AGBL4: variants seen among roughly 807,000 people sequenced by gnomAD.
AGBL4 encodes cytosolic carboxypeptidase 6.
A neutral mutation model predicts 66.4 loss-of-function variants in AGBL4; 58 were observed. The ratio of observed to expected loss-of-function variants is 0.87; its 90% CI spans 0.71 to 1.09. The LOEUF (loss-of-function observed/expected upper bound fraction) is 1.09. Ranked by LOEUF, AGBL4 falls within the 50% of genes least tolerant of loss-of-function variation. The pLI, the probability that AGBL4 is intolerant of heterozygous loss-of-function variation, is 0.00. For missense variants in AGBL4, 579 were observed against 631.0 expected, an observed-to-expected ratio of 0.92 and a Z score of 0.88; for synonymous variants, 234 against 222.9, an observed-to-expected ratio of 1.05 and a Z score of -0.44.
chr1:48,926,743 A>C (rs1654611794), intron 5 of AGBL4, among the ~76,000 whole-genome samples: 1 of 152,180 alleles, frequency 6.6e-6, no homozygotes, highest in Non-Finnish European at 1.5e-5. Context: ...TCCAGAACCC[A>C]CACTGACTTC....
chr1:49,712,607 C>T lies in AGBL4; in HGVS notation c.158-15170G>A, dbSNP rs566227657. On this transcript the variant is annotated intron_variant, in intron 2 of 13. Transcript: ENST00000371839. ...TGAGAGTAGATTTTAGTAGCTCTTACCACCAAAAAAAGTAACTGTGAGATA... is the reference window on the plus strand; with the variant it reads ...TGAGAGTAGATTTTAGTAGCTCTTATCACCAAAAAAAGTAACTGTGAGATA... 3.3e-5 allele frequency among the ~76,000 whole-genome samples: 5 copies of T among 151,658 alleles called. No individual in the cohort carries two copies. The East Asian group carries it at 9.7e-4, about 29-fold the overall frequency.
chr1:49,579,713 A>T (rs1571094655), intron 3 of AGBL4, among the ~76,000 whole-genome samples: 1 of 152,036 alleles, frequency 6.6e-6, no homozygotes, highest in African/African-American at 2.4e-5. Flanking sequence ...GTTGGCCAGG[A>T]TGGTCTCGAT....
chr1:49,145,835 C>T (rs1319342106), intron 4 of AGBL4, among the ~76,000 whole-genome samples: 9 of 152,054 alleles, frequency 5.9e-5, no homozygotes, highest in African/African-American at 1.9e-4. Context: ...TTCACAATAG[C>T]CAAGATTTGG....
chr1:49,919,701 C>A (rs1388616050), intron 1 of AGBL4, among the ~76,000 whole-genome samples: 2 of 152,088 alleles, frequency 1.3e-5, no homozygotes, highest in African/African-American at 4.8e-5. Context: ...CCCCATCAAG[C>A]TACCAATGAC....
At chr1:49,175,846 A>T (rs1017930873) in intron 4 of AGBL4, among the ~76,000 whole-genome samples, 43 of 152,162 alleles carry the variant, frequency 2.8e-4, no homozygotes, top group African/African-American at 8.7e-4. Context: ...AGTAAGTGCT[A>T]TGAACTACCT....
chr1:49,375,704 C>A (rs559979330), intron 3 of AGBL4, among the ~76,000 whole-genome samples: 20 of 152,086 alleles, frequency 1.3e-4, no homozygotes, highest in Non-Finnish European at 2.9e-4. Context: ...AAGCACAATT[C>A]ATCATTTCTT....
rs549327151 is a variant in AGBL4, at chr1:49,742,158, T to G, written c.158-44721A>C. Among the ~76,000 whole-genome samples, 59 of 152,090 alleles carry G rather than the reference T, an allele frequency of 3.9e-4. 1 individual carries two copies. The South Asian group carries it at 9.6e-3, about 25-fold the overall frequency. On this transcript the variant is annotated intron_variant, in intron 2 of 13. Coordinates refer to ENST00000371839, the MANE Select transcript of AGBL4 (RefSeq NM_032785.4). ...ATTGTATATCTAGAAAACCCCATTG[T>G]CTCAGCCCAAAATCTCCTTAAGCTG...
intron 3 of AGBL4, 58 bp from the exon 4 acceptor site, chr1:49,245,922 T>C: frequency 7.9e-7 from 1 of 1,269,320 alleles, no homozygotes; most frequent in Non-Finnish European, 1.1e-6. Flanking sequence ...AACTTCCTGA[T>C]AATTAAGACA....
At chr1:49,464,115 A>G (rs1646574701) in intron 3 of AGBL4, among the ~76,000 whole-genome samples, 1 of 151,786 alleles carries the variant, frequency 6.6e-6, no homozygotes, top group Non-Finnish European at 1.5e-5. Context: ...TCCTGAGTAC[A>G]TAACAGAGGG....
At chr1:48,831,514 T>C (rs1430643518) in intron 6 of AGBL4, among the ~76,000 whole-genome samples, 4 of 152,228 alleles carry the variant, frequency 2.6e-5, no homozygotes, top group Non-Finnish European at 4.4e-5. Flanking sequence ...TGGGCTCCCT[T>C]TATACTTTTT....
intron 4 of AGBL4, among the ~76,000 whole-genome samples, chr1:49,143,798 T>A (rs1416481303): frequency 4.6e-5 from 7 of 152,314 alleles, no homozygotes; most frequent in African/African-American, 1.7e-4. Context: ...AAGTCAACAA[T>A]GACTGAAATT....
chr1:49,397,462 C>A (rs1237481493), intron 3 of AGBL4, among the ~76,000 whole-genome samples: 1 of 152,130 alleles, frequency 6.6e-6, no homozygotes, highest in Non-Finnish European at 1.5e-5. Context: ...AGAAGTCAGA[C>A]CCCTATAACT....
At chr1:48,537,021 G>A (rs6669688) in intron 12 of AGBL4, among the ~76,000 whole-genome samples, 8,911 of 152,242 alleles carry the variant, frequency 0.059, 866 homozygotes, top group African/African-American at 0.2. Context: ...ATTATCCATG[G>A]AGATGGGAGA....
At chr1:48,999,103 A>G (rs1487468537) in intron 5 of AGBL4, among the ~76,000 whole-genome samples, 3 of 152,210 alleles carry the variant, frequency 2.0e-5, no homozygotes, top group Admixed American at 2.0e-4. Context: ...CAGGTATGGC[A>G]GCAGGGACTG....
chr1:49,312,753 G>A (rs1644963967), intron 3 of AGBL4, among the ~76,000 whole-genome samples: 1 of 151,982 alleles, frequency 6.6e-6, no homozygotes. Context: ...TTAGAGAATT[G>A]CCAATTAAAA....
At chr1:49,107,189 T>C (rs1217014785) in intron 4 of AGBL4, among the ~76,000 whole-genome samples, 1 of 152,176 alleles carries the variant, frequency 6.6e-6, no homozygotes, top group African/African-American at 2.4e-5. Context: ...TTAGTACTCA[T>C]ATAGCCATTC....
At chr1:49,603,340 C>T (rs541342523) in intron 3 of AGBL4, among the ~76,000 whole-genome samples, 1 of 151,998 alleles carries the variant, frequency 6.6e-6, no homozygotes, top group South Asian at 2.1e-4. Context: ...CTGACTCTGG[C>T]AAAGGAAAAC....
At chr1:48,866,369 C>T (rs11205563) in intron 6 of AGBL4, among the ~76,000 whole-genome samples, 135,330 of 152,172 alleles carry the variant, frequency 0.89, 60,772 homozygotes, top group Non-Finnish European at 0.96. Flanking sequence ...ACACTAGCTC[C>T]TCCTCCAGAA....
intron 3 of AGBL4, among the ~76,000 whole-genome samples, chr1:49,599,992 C>T (rs185146823): frequency 6.6e-6 from 1 of 152,212 alleles, no homozygotes; most frequent in East Asian, 1.9e-4. Context: ...TTATGATTTC[C>T]ATTCTTTCAC....
Sources: allele counts gnomAD v4.1 joint callset (sites outside exome capture counted in the v4.1 genomes callset), GRCh38; gene constraint gnomAD v4.1.1; transcripts MANE v1.5; gene names NCBI Gene and HGNC (gene_info 2026-07-23, HGNC 2026-07-21).